Variants in PM20D2 observed in about 807,000 individuals in gnomAD.
PM20D2 encodes xaa-Arg dipeptidase.
A neutral mutation model predicts 42.9 loss-of-function variants in PM20D2; 33 were observed. The observed-to-expected ratio is 0.77, with a 90% CI of 0.58 to 1.03. The LOEUF is 1.03. PM20D2 is among the 50% of genes least tolerant of loss of function. PM20D2 has a pLI of 0.00. For synonymous variants in PM20D2, 250 were observed against 228.2 expected (o/e 1.10, Z -0.86); for missense variants, 548 against 557.0 (o/e 0.98, Z 0.16).
intron 4 of PM20D2, among the ~76,000 whole-genome samples, chr6:89,156,577 G>C (rs575191010): frequency 1.3e-5 from 2 of 152,312 alleles, no homozygotes; most frequent in East Asian, 3.9e-4. Flanking sequence ...GTAATTCTCA[G>C]AAAGCATATG....
chr6:89,104,868 CA>C, the PM20D2 span, among the ~76,000 whole-genome samples: 3 of 152,010 alleles, frequency 2.0e-5, no homozygotes, highest in Admixed American at 6.6e-5. Context: ...GCCTGGGCAA[CA>C]TAGCGAGACC....
the PM20D2 span, among the ~76,000 whole-genome samples, chr6:89,132,346 ATAGGAGGTT>A: frequency 6.9e-6 from 1 of 144,904 alleles, no homozygotes; most frequent in African/African-American, 2.9e-5. Context: ...CTTCTCTCCA[ATAGGAGGTT>A]CATTTTTGCC....
At chr6:89,148,430 GTTGT>G (rs755719599) in intron 1 of PM20D2, 75 of 508,462 alleles carry the variant, frequency 1.5e-4, no homozygotes, top group Non-Finnish European at 1.9e-4. Flanking sequence ...AAATATATTA[GTTGT>G]TTATTTTGAT....
chr6:89,133,015 G>A, the PM20D2 span, among the ~76,000 whole-genome samples: 1 of 150,864 alleles, frequency 6.6e-6, no homozygotes, highest in Non-Finnish European at 1.5e-5. Flanking sequence ...TTGAGCCCAG[G>A]AGTTTGAGAC....
At chr6:89,118,388 CG>C in the PM20D2 span, among the ~76,000 whole-genome samples, 1 of 152,248 alleles carries the variant, frequency 6.6e-6, no homozygotes, top group Non-Finnish European at 1.5e-5. Context: ...CGGCCCTCAG[CG>C]CATCGTCCTG....
rs1771387956 is a variant in PM20D2, at chr6:89,165,499, G to GGTAATTATACTATATTA, written c.*3236_*3237insGTAATTATACTATATTA. ...TCAGTCTACTACCATCAGATTATAAGCTTTTTTGTAATAATAGGTACATAA... is the reference window on the plus strand; with the variant it reads ...TCAGTCTACTACCATCAGATTATAAGGTAATTATACTATATTACTTTTTTGTAATAATAGGTACATAA... On this transcript the variant is annotated 3_prime_UTR_variant, in exon 7 of 7. Transcript: ENST00000275072. 6.6e-6 allele frequency: 1 copy of GGTAATTATACTATATTA among 152,090 alleles called. No individual in the cohort carries two copies. Among genetic ancestry groups the GGTAATTATACTATATTA allele is most frequent in the Non-Finnish European group, 1.5e-5 (1 of 68,020 alleles). 9.4% of individuals were successfully genotyped at this position (152,090 alleles called of 1,614,324 possible).
the PM20D2 span, chr6:89,117,966 C>T: frequency 7.6e-6 from 11 of 1,448,896 alleles, no homozygotes; most frequent in Middle Eastern, 1.9e-4. Context: ...GCTACCACCA[C>T]AGGAGCTCCG....
At chr6:89,154,643 A>G (rs1770969529) in intron 3 of PM20D2, 105 bp from the exon 4 acceptor site, 1 of 821,890 alleles carries the variant, frequency 1.2e-6, no homozygotes, top group African/African-American at 1.8e-5. Flanking sequence ...GTGAGTTTAA[A>G]TTATTTTTCT....
At chr6:89,129,872 T>C in the PM20D2 span, among the ~76,000 whole-genome samples, 1 of 151,942 alleles carries the variant, frequency 6.6e-6, no homozygotes, top group African/African-American at 2.4e-5. Flanking sequence ...GGACTACAGG[T>C]GTGTGCCACC....
At chr6:89,155,997 G>T (rs1008259354) in intron 4 of PM20D2, among the ~76,000 whole-genome samples, 1 of 151,420 alleles carries the variant, frequency 6.6e-6, no homozygotes, top group African/African-American at 2.4e-5. Context: ...CAATTCTCCT[G>T]CCTCAGCCTC....
the PM20D2 span, among the ~76,000 whole-genome samples, chr6:89,131,032 T>C: frequency 6.6e-6 from 1 of 151,604 alleles, no homozygotes; most frequent in Admixed American, 6.6e-5. Context: ...AGCTGAAAAG[T>C]TCAAGGTCAA....
At chr6:89,157,097 T>C (rs1771075062) in intron 4 of PM20D2, among the ~76,000 whole-genome samples, 1 of 152,074 alleles carries the variant, frequency 6.6e-6, no homozygotes, top group Non-Finnish European at 1.5e-5. Flanking sequence ...AATTTATTTA[T>C]TTTTAAAGTT....
the PM20D2 span, among the ~76,000 whole-genome samples, chr6:89,099,475 T>C: frequency 1.4e-5 from 2 of 146,190 alleles, no homozygotes; most frequent in African/African-American, 2.6e-5. Flanking sequence ...TGTGTGTATA[T>C]ATATATGTGT....
At chr6:89,143,950 T>C (rs1770427083), upstream of PM20D2, among the ~76,000 whole-genome samples, 1 of 152,238 alleles carries the variant, frequency 6.6e-6, no homozygotes, top group Admixed American at 6.5e-5. Context: ...AAATATTTAT[T>C]AACACAGAGG....
Position 89,146,592 on chromosome 6 carries a change from C to G in PM20D2, c.448C>G (p.Pro150Ala). The change falls in exon 1 of 7, where the codon CCG becomes GCG. Residue 150 changes from proline (P) to alanine (A), a missense_variant. Physicochemically the swap from Pro to Ala is conservative, Grantham distance 27. Around this residue, in one of 3 missense-constraint regions of PM20D2, gnomAD observed 470 missense variants for 464.4 expected, o/e 1.01. Coordinates refer to ENST00000275072, the MANE Select transcript of PM20D2 (RefSeq NM_001010853.3). ...GGGGGCCTTAGAGGGCCTCCCCAGG[C>G]CGCCTCCGCCCGTGAAGGTGAGGTG... Reference protein sequence around the residue: ...VRGALEGLPRPPPPVKVVVLG... With the variant: ...VRGALEGLPRAPPPVKVVVLG... 1 of 1,451,096 alleles carries G rather than the reference C, an allele frequency of 6.9e-7. No homozygotes were observed. Among genetic ancestry groups the G allele is most frequent in the Non-Finnish European group, 9.0e-7 (1 of 1,108,408 alleles). The allele number at this position is 1,451,096 out of a possible 1,614,324, so 89.9% of individuals were successfully genotyped here.
At chr6:89,107,382 G>GT in the PM20D2 span, 2 of 694,924 alleles carry the variant, frequency 2.9e-6, no homozygotes, top group Non-Finnish European at 4.8e-6. Flanking sequence ...ATCTAAAATT[G>GT]TTTTTTGTAA....
chr6:89,144,715 C>T (rs1406567307), upstream of PM20D2, among the ~76,000 whole-genome samples: 1 of 152,246 alleles, frequency 6.6e-6, no homozygotes, highest in African/African-American at 2.4e-5. Flanking sequence ...GCTCTCCAAT[C>T]CCCCCTTCTC....
chr6:89,094,474 C>T, the PM20D2 span, among the ~76,000 whole-genome samples: 6 of 152,068 alleles, frequency 3.9e-5, no homozygotes, highest in African/African-American at 7.2e-5. Context: ...CCCCACCCCC[C>T]GGAACCTCCC....
Position 89,164,479 on chromosome 6 carries a change from G to T in PM20D2, c.*2216G>T, listed in dbSNP as rs1771343243. The T allele has an allele frequency of 6.6e-6, 1 of 152,598 alleles. No individual in the cohort carries two copies. The highest frequency in any genetic ancestry group is 6.5e-5 in the Admixed American group (1 of 15,274). The allele number at this position is 152,598 out of a possible 1,614,324, so 9.5% of individuals were successfully genotyped here. A position where few individuals can be genotyped will look rare whatever the true frequency, so the allele number is the denominator to read the frequency against. On this transcript the variant is annotated 3_prime_UTR_variant, in exon 7 of 7. Transcript: ENST00000275072. ...CACAAGGAAGATTGTTGTAACAGAA[G>T]AGTGACAACCAATAGTTTTTTGATC...
Sources: gnomAD v4.1 joint callset for allele counts (sites outside exome capture counted in the v4.1 genomes callset) on GRCh38, gnomAD v4.1.1 for gene constraint, gnomAD v4.1.1 regional missense constraint, MANE v1.5 for transcripts, NCBI Gene and HGNC (gene_info 2026-07-23, HGNC 2026-07-21) for gene names.